PLCB1: variants seen among roughly 807,000 people sequenced by gnomAD.
PLCB1 encodes the protein 1-phosphatidylinositol 4,5-bisphosphate phosphodiesterase beta-1.
Under a neutral mutation model 161.8 loss-of-function variants are expected in PLCB1, and 46 were observed. The observed-to-expected ratio is 0.28, with a 90% CI of 0.22 to 0.36. The LOEUF is 0.36. Among genes scored for constraint, PLCB1 ranks in the 10% least tolerant of loss-of-function variants. PLCB1 has a pLI of 1.00. For synonymous variants in PLCB1, 517 were observed against 503.7 expected (o/e 1.03, Z -0.35); for missense variants, 1,016 against 1,472.5 (o/e 0.69, Z 5.07).
At chr20:8,734,101 C>T (rs1194959247) in intron 19 of PLCB1, among the ~76,000 whole-genome samples, 2 of 121,564 alleles carry the variant, frequency 1.6e-5, no homozygotes, top group Admixed American at 1.1e-4. Context: ...GCACTCCAGC[C>T]TGGGCGACAG....
chr20:8,300,286 G>A (rs896054127), intron 2 of PLCB1, among the ~76,000 whole-genome samples: 16 of 152,130 alleles, frequency 1.1e-4, no homozygotes, highest in African/African-American at 3.4e-4. Flanking sequence ...TTCCATTGGC[G>A]GAAACAAATC....
At chr20:8,629,121 T>C (rs1394159554) in intron 4 of PLCB1, among the ~76,000 whole-genome samples, 1 of 152,120 alleles carries the variant, frequency 6.6e-6, no homozygotes, top group Non-Finnish European at 1.5e-5. Flanking sequence ...ACAGACATCT[T>C]CAGCCCTCTT....
At chr20:8,764,648 G>T (rs1375323919) in intron 25 of PLCB1, among the ~76,000 whole-genome samples, 1 of 152,106 alleles carries the variant, frequency 6.6e-6, no homozygotes, top group Non-Finnish European at 1.5e-5. Context: ...ATGCCTCCCT[G>T]CACTGAATGT....
chr20:8,480,126 G>A (rs150388618), intron 3 of PLCB1, among the ~76,000 whole-genome samples: 5 of 152,328 alleles, frequency 3.3e-5, no homozygotes, highest in Admixed American at 2.0e-4. Context: ...AGATTTAAAG[G>A]TGCAGCATTA....
At chr20:8,838,912 C>G (rs1986393054) in intron 31 of PLCB1, among the ~76,000 whole-genome samples, 1 of 152,180 alleles carries the variant, frequency 6.6e-6, no homozygotes, top group Admixed American at 6.5e-5. Context: ...TATTTCCATC[C>G]TTGTCAATAA....
chr20:8,396,812 G>A lies in PLCB1; in HGVS notation c.246+25362G>A, dbSNP rs557163692. On this transcript the variant is annotated intron_variant, in intron 3 of 31. Transcript: ENST00000338037. ...AAGTTTTCTCATCTAACATGACACTGTAAGCATGGCCATGATTCTAAATAT... is the reference window on the plus strand; with the variant it reads ...AAGTTTTCTCATCTAACATGACACTATAAGCATGGCCATGATTCTAAATAT... Among the ~76,000 whole-genome samples the A allele has an allele frequency of 4.6e-5, 7 of 152,100 alleles. No individual in the cohort carries two copies. The East Asian group carries it at 9.6e-4, about 21-fold the overall frequency.
intron 3 of PLCB1, among the ~76,000 whole-genome samples, chr20:8,382,412 A>G (rs1165182982): frequency 6.6e-6 from 1 of 150,478 alleles, no homozygotes. Flanking sequence ...CCTCCTGAGT[A>G]GCTGGGACTA....
At chr20:8,398,749 C>T (rs1053648310) in intron 3 of PLCB1, among the ~76,000 whole-genome samples, 4 of 151,976 alleles carry the variant, frequency 2.6e-5, no homozygotes, top group African/African-American at 9.7e-5. Flanking sequence ...GCACAATGCT[C>T]ATTTGCATAA....
chr20:8,379,289 T>C (rs957729886), intron 3 of PLCB1, among the ~76,000 whole-genome samples: 1 of 152,210 alleles, frequency 6.6e-6, no homozygotes, highest in African/African-American at 2.4e-5. Flanking sequence ...TCTCATTACT[T>C]TTTATGGCTG....
Position 8,750,931 on chromosome 20 carries a change from C to CTT in PLCB1, c.2524-6114_2524-6113insTT. On this transcript the variant is annotated intron_variant, in intron 23 of 31. Coordinates refer to ENST00000338037, the MANE Select transcript of PLCB1 (RefSeq NM_015192.4). Reference sequence around the variant, plus strand: ...CTGTCATAAGGTAAAAAGAACTGCACTCTTTTTTTTTTTTTTTTTTTTGAG... The same window carrying CTT: ...CTGTCATAAGGTAAAAAGAACTGCACTTTCTTTTTTTTTTTTTTTTTTTTGAG... 6 of 487,304 alleles carry CTT rather than the reference C, an allele frequency of 1.2e-5. No homozygotes were observed. In the Admixed American group the frequency reaches 1.4e-4, roughly 12 times the overall value. 30.2% of individuals were successfully genotyped at this position (487,304 alleles called of 1,614,324 possible).
chr20:8,459,188 T>G (rs1981459657), intron 3 of PLCB1, among the ~76,000 whole-genome samples: 1 of 152,224 alleles, frequency 6.6e-6, no homozygotes, highest in South Asian at 2.1e-4. Flanking sequence ...ATCTGTCTAC[T>G]CATCTCCGAG....
At chr20:8,632,042 T>TTTTTG (rs1988610915) in intron 4 of PLCB1, among the ~76,000 whole-genome samples, 29 of 71,756 alleles carry the variant, frequency 4.0e-4, no homozygotes, top group South Asian at 1.3e-3. Context: ...TTGCTTTTTT[T>TTTTTG]TTTTTTTTTT....
intron 31 of PLCB1, among the ~76,000 whole-genome samples, chr20:8,832,945 C>T (rs148883626): frequency 6.6e-6 from 1 of 152,282 alleles, no homozygotes; most frequent in African/African-American, 2.4e-5. Context: ...CGGCACAATC[C>T]AATTTCTTAT....
Position 8,232,643 on chromosome 20 carries a change from G to A in PLCB1, c.177+82272G>A, listed in dbSNP as rs74385282. Among the ~76,000 whole-genome samples the A allele has an allele frequency of 7.9e-5, 12 of 152,182 alleles. No homozygotes were observed. In the South Asian group the frequency reaches 1.2e-3, roughly 16 times the overall value. On this transcript the variant is annotated intron_variant, in intron 2 of 31. Transcript: ENST00000338037. ...TTTCAGAAGCCTGATCCCCCACTTC[G>A]TGCATTCTGAAAGTCTGGGCCTTAT...
chr20:8,815,031 C>G (rs1194653811), intron 31 of PLCB1, among the ~76,000 whole-genome samples: 1 of 152,222 alleles, frequency 6.6e-6, no homozygotes, highest in African/African-American at 2.4e-5. Context: ...TGTCCATTAT[C>G]TAAAAACCCC....
At chr20:8,662,473 A>AAT (rs201342111) in intron 9 of PLCB1, among the ~76,000 whole-genome samples, 7 of 137,952 alleles carry the variant, frequency 5.1e-5, no homozygotes, top group African/African-American at 1.6e-4. Flanking sequence ...AATTATGTAT[A>AAT]ATATATATAT....
intron 3 of PLCB1, among the ~76,000 whole-genome samples, chr20:8,563,552 C>T (rs1986219261): frequency 3.3e-5 from 5 of 152,022 alleles, no homozygotes; most frequent in South Asian, 4.2e-4. Context: ...AAAACAGAGA[C>T]AATTTGACTT....
At chr20:8,629,865 CTTTCTTTCTT>C (rs1988492544) in intron 4 of PLCB1, among the ~76,000 whole-genome samples, 4 of 91,098 alleles carry the variant, frequency 4.4e-5, no homozygotes, top group Non-Finnish European at 6.7e-5. Context: ...TTCTTTCTTT[CTTTCTTTCTT>C]TCTCTCTCTC....
chr20:8,588,890 T>G (rs1421901721), intron 3 of PLCB1, among the ~76,000 whole-genome samples: 1 of 152,138 alleles, frequency 6.6e-6, no homozygotes, highest in East Asian at 1.9e-4. Flanking sequence ...CCCTCTCCAG[T>G]CACAAAACTA....
Sources: allele counts gnomAD v4.1 joint callset (sites outside exome capture counted in the v4.1 genomes callset), GRCh38; gene constraint gnomAD v4.1.1; transcripts MANE v1.5; gene names NCBI Gene and HGNC (gene_info 2026-07-23, HGNC 2026-07-21).